FAM107B: variants seen among roughly 807,000 people sequenced by gnomAD.
The protein encoded by FAM107B is protein FAM107B.
Under a neutral mutation model 31.5 loss-of-function variants are expected in FAM107B, and 21 were observed. The observed-to-expected ratio is 0.67, with a 90% CI of 0.47 to 0.96. The LOEUF is 0.96. Ranked by LOEUF, FAM107B falls within the 40% of genes least tolerant of loss-of-function variation. The pLI is 0.00. For synonymous variants in FAM107B, 157 were observed against 141.5 expected, an observed-to-expected ratio of 1.11 and a Z score of -0.78; for missense variants, 452 against 377.1, an observed-to-expected ratio of 1.20 and a Z score of -1.64.
intron 1 of FAM107B, among the ~76,000 whole-genome samples, chr10:14,683,990 C>T (rs909820448): frequency 6.6e-6 from 1 of 152,172 alleles, no homozygotes; most frequent in African/African-American, 2.4e-5. Flanking sequence ...GACTACCTGT[C>T]TTATAAACAA....
intron 2 of FAM107B, among the ~76,000 whole-genome samples, chr10:14,598,587 T>A (rs1852263496): frequency 6.6e-6 from 1 of 152,124 alleles, no homozygotes; most frequent in South Asian, 2.1e-4. Flanking sequence ...GGCCCAAGGT[T>A]TCAGTTCAGC....
intron 1 of FAM107B, among the ~76,000 whole-genome samples, chr10:14,748,671 G>A (rs558696459): frequency 6.6e-6 from 1 of 152,348 alleles, no homozygotes; most frequent in East Asian, 1.9e-4. Flanking sequence ...CAGCCTCTGA[G>A]GTCAAAGTTG....
At chr10:14,560,056 T>G (rs1389227191) in intron 2 of FAM107B, among the ~76,000 whole-genome samples, 2 of 152,134 alleles carry the variant, frequency 1.3e-5, no homozygotes, top group Non-Finnish European at 2.9e-5. Context: ...TGCCAGGCAC[T>G]CTACAACCCG....
intron 2 of FAM107B, 90 bp from the exon 3 acceptor site, chr10:14,530,605 G>T: frequency 2.5e-6 from 3 of 1,187,198 alleles, no homozygotes; most frequent in Non-Finnish European, 3.6e-6. Context: ...TGCTCAGTAT[G>T]CTAACACATG....
intron 1 of FAM107B, among the ~76,000 whole-genome samples, chr10:14,764,791 G>A (rs1321360122): frequency 1.3e-5 from 2 of 152,088 alleles, no homozygotes; most frequent in Non-Finnish European, 2.9e-5. Context: ...CCCAGTGAGT[G>A]GAATAGTGAA....
intron 1 of FAM107B, among the ~76,000 whole-genome samples, chr10:14,680,289 A>T (rs1050181593): frequency 7.2e-5 from 11 of 152,072 alleles, no homozygotes; most frequent in Admixed American, 3.3e-4. Context: ...AAAGCCAGAG[A>T]GGGGCCGGGT....
chr10:14,718,430 AGAGG>A (rs1419985962), intron 1 of FAM107B, among the ~76,000 whole-genome samples: 2 of 142,556 alleles, frequency 1.4e-5, no homozygotes, highest in African/African-American at 2.6e-5. Flanking sequence ...AGAAAGAAAG[AGAGG>A]GAGGGAGGGA....
chr10:14,731,013 C>A (rs1466504219), intron 1 of FAM107B, among the ~76,000 whole-genome samples: 2 of 152,124 alleles, frequency 1.3e-5, no homozygotes, highest in African/African-American at 4.8e-5. Context: ...GTGCTGTCAC[C>A]ATGACTGGAA....
intron 2 of FAM107B, among the ~76,000 whole-genome samples, chr10:14,658,073 A>G (rs117252366): frequency 0.04 from 6,128 of 152,210 alleles, 211 homozygotes; most frequent in East Asian, 0.17. Context: ...CGGCCCCCCA[A>G]AGTGCTGGGA....
At chr10:14,674,110 CAA>C (rs1564621657) in intron 1 of FAM107B, among the ~76,000 whole-genome samples, 1 of 152,066 alleles carries the variant, frequency 6.6e-6, no homozygotes, top group African/African-American at 2.4e-5. Context: ...CAAAATGCAT[CAA>C]AGACTTAAAC....
chr10:14,629,457 T>TA (rs1853287135), intron 2 of FAM107B, among the ~76,000 whole-genome samples: 2 of 36,892 alleles, frequency 5.4e-5, no homozygotes, highest in African/African-American at 2.5e-4. Context: ...TATATATATA[T>TA]TATATATATA....
At chr10:14,693,094 T>G (rs1440157108) in intron 1 of FAM107B, among the ~76,000 whole-genome samples, 1 of 152,258 alleles carries the variant, frequency 6.6e-6, no homozygotes, top group Non-Finnish European at 1.5e-5. Context: ...GATGACTTGG[T>G]GACTTATGTC....
intron 2 of FAM107B, among the ~76,000 whole-genome samples, chr10:14,650,576 G>A (rs1380673987): frequency 5.9e-5 from 9 of 152,148 alleles, no homozygotes; most frequent in African/African-American, 9.7e-5. Flanking sequence ...ATGAGCCACC[G>A]CGCCCGGCCT....
chr10:14,628,452 C>A (rs1853234022), intron 2 of FAM107B, among the ~76,000 whole-genome samples: 1 of 152,076 alleles, frequency 6.6e-6, no homozygotes, highest in Non-Finnish European at 1.5e-5. Flanking sequence ...ATGGGTCTTT[C>A]CAGTTTATGT....
chr10:14,599,486 G>A (rs948314256), intron 2 of FAM107B, among the ~76,000 whole-genome samples: 12 of 152,152 alleles, frequency 7.9e-5, no homozygotes, highest in Admixed American at 2.6e-4. Context: ...CCTGTTTTAG[G>A]ACTATTCACG....
intron 1 of FAM107B, among the ~76,000 whole-genome samples, chr10:14,749,105 C>T (rs1832779684): frequency 6.6e-6 from 1 of 152,220 alleles, no homozygotes; most frequent in South Asian, 2.1e-4. Context: ...AGTTCAGCAC[C>T]AGATGAGACA....
chr10:14,690,722 G>A (rs1349574801), intron 1 of FAM107B, among the ~76,000 whole-genome samples: 2 of 152,158 alleles, frequency 1.3e-5, no homozygotes, highest in Non-Finnish European at 2.9e-5. Flanking sequence ...AAAGTGCTGG[G>A]ATTACAGGCG....
At chr10:14,764,220 C>T (rs376447126) in intron 1 of FAM107B, among the ~76,000 whole-genome samples, 3 of 152,314 alleles carry the variant, frequency 2.0e-5, no homozygotes, top group Non-Finnish European at 4.4e-5. Context: ...GCAAATAGCC[C>T]TGCACTAATT....
chr10:14,533,401 C>T (rs951928006), intron 2 of FAM107B, among the ~76,000 whole-genome samples: 7 of 152,094 alleles, frequency 4.6e-5, no homozygotes, highest in Admixed American at 1.3e-4. Context: ...GTTGCCATGA[C>T]GGGAGGCTGA....
Sources: gnomAD v4.1 joint callset for allele counts (sites outside exome capture counted in the v4.1 genomes callset) on GRCh38, gnomAD v4.1.1 for gene constraint, MANE v1.5 for transcripts, NCBI Gene and HGNC (gene_info 2026-07-23, HGNC 2026-07-21) for gene names.